The following SEC14L1 variants were observed in gnomAD, a reference collection of about 807,000 sequenced individuals.
SEC14L1 encodes SEC14-like protein 1.
SEC14L1 carries 48 observed loss-of-function variants against 85.3 expected under a neutral mutation model. The ratio of observed to expected loss-of-function variants is 0.56; its 90% CI spans 0.45 to 0.72. SEC14L1 has a LOEUF of 0.72. Ranked by LOEUF, SEC14L1 falls within the 30% of genes least tolerant of loss-of-function variation. The pLI is 0.00. For synonymous variants in SEC14L1, 391 were observed against 355.5 expected (o/e 1.10, Z -1.12); for missense variants, 682 against 921.4 (o/e 0.74, Z 3.36).
At chr17:77,185,131 T>C (rs1975210038) in intron 3 of SEC14L1, 1 of 771,234 alleles carries the variant, frequency 1.3e-6, no homozygotes, top group African/African-American at 1.9e-5. Flanking sequence ...CTTCAAAACA[T>C]GTTTTTTGGA....
chr17:77,198,720 C>G (rs1033404232), intron 8 of SEC14L1, among the ~76,000 whole-genome samples: 19 of 151,780 alleles, frequency 1.3e-4, no homozygotes, highest in Non-Finnish European at 2.2e-4. Flanking sequence ...GACTCAGGCA[C>G]CCGCCACCAC....
chr17:77,118,616 C>T (rs563673354), intron 3 of SEC14L1, among the ~76,000 whole-genome samples: 4 of 152,210 alleles, frequency 2.6e-5, no homozygotes, highest in African/African-American at 7.2e-5. Context: ...TCTGGGAATG[C>T]GCTTAACGTA....
intron 3 of SEC14L1, among the ~76,000 whole-genome samples, chr17:77,189,807 TTTAG>T (rs755271717): frequency 4.6e-5 from 7 of 152,148 alleles, no homozygotes; most frequent in Non-Finnish European, 7.3e-5. Flanking sequence ...TTTTTGTATC[TTTAG>T]TAGAGACGGG....
Position 77,170,882 on chromosome 17 carries a change from A to G in SEC14L1, c.64-19921A>G, listed in dbSNP as rs141182731. Among the ~76,000 whole-genome samples, 916 of 152,348 alleles carry G rather than the reference A, an allele frequency of 6.0e-3. 3 individuals carry two copies. Among genetic ancestry groups the G allele is most frequent in the Admixed American group, 8.5e-3 (130 of 15,308 alleles). ...TCTATTGTCTGAATCAGTGTTTTCT[A>G]TAATTCCAAACCTAGGTATAATTTG... On this transcript the variant is annotated intron_variant, in intron 3 of 16. Transcript: ENST00000436233.
chr17:77,136,570 T>C (rs1382108848), upstream of SEC14L1, among the ~76,000 whole-genome samples: 1 of 152,250 alleles, frequency 6.6e-6, no homozygotes, highest in Non-Finnish European at 1.5e-5. Context: ...TTCCCAGCCT[T>C]CTTTGCTCTT....
At chr17:77,117,312 A>G (rs1039753108) in intron 3 of SEC14L1, among the ~76,000 whole-genome samples, 3 of 152,140 alleles carry the variant, frequency 2.0e-5, no homozygotes, top group Non-Finnish European at 4.4e-5. Context: ...GAGCCACTGC[A>G]CTCCAGCCTG....
chr17:77,156,056 G>A (rs1489394783), intron 3 of SEC14L1, among the ~76,000 whole-genome samples: 1 of 152,062 alleles, frequency 6.6e-6, no homozygotes, highest in Non-Finnish European at 1.5e-5. Context: ...TTTTTGTCAT[G>A]ATCTTGGTGC....
At chr17:77,092,185 CTT>C (rs1392125099) in intron 2 of SEC14L1, among the ~76,000 whole-genome samples, 2 of 152,196 alleles carry the variant, frequency 1.3e-5, no homozygotes, top group African/African-American at 4.8e-5. Context: ...TTCCTTCTGT[CTT>C]TGCCTGTTTT....
chr17:77,180,229 G>A (rs1421826209), intron 3 of SEC14L1, among the ~76,000 whole-genome samples: 3 of 150,010 alleles, frequency 2.0e-5, no homozygotes, highest in South Asian at 2.1e-4. Flanking sequence ...TCAACCTCTC[G>A]AGTAGCTGGG....
Position 77,214,213 on chromosome 17 carries a change from A to G in SEC14L1, c.*190A>G. 7.2e-7 allele frequency: 1 copy of G among 1,393,770 alleles called. No homozygotes were observed. Among genetic ancestry groups the G allele is most frequent in the Non-Finnish European group, 9.3e-7 (1 of 1,077,700 alleles). 86.3% of individuals were successfully genotyped at this position (1,393,770 alleles called of 1,614,324 possible). A position where few individuals can be genotyped will look rare whatever the true frequency, so the allele number is the denominator to read the frequency against. On this transcript the variant is annotated 3_prime_UTR_variant, in exon 17 of 17. Coordinates refer to ENST00000436233, the MANE Select transcript of SEC14L1 (RefSeq NM_001143998.2). ...GGCAGGTAGTTTTAACTCTGATCCT[A>G]ACTTAACTCAATAGCCATAGATTTT...
upstream of SEC14L1, among the ~76,000 whole-genome samples, chr17:77,139,575 G>T (rs1164162400): frequency 6.1e-5 from 9 of 147,804 alleles, no homozygotes; most frequent in African/African-American, 2.3e-4. Flanking sequence ...TCGGCTCACT[G>T]CAAGCTCTGC....
In SEC14L1 at chr17:77,216,121, TTAGTAGGTAGGGC is replaced by T. The variant is rs1977053533; in HGVS notation, c.*2111_*2123del. 1 of 972,538 alleles carries T rather than the reference TTAGTAGGTAGGGC, an allele frequency of 1.0e-6. No individual in the cohort carries two copies. The highest frequency in any genetic ancestry group is 2.3e-5 in the African/African-American group (1 of 43,460). The allele number at this position is 972,538 out of a possible 1,614,324, so 60.2% of individuals were successfully genotyped here. On this transcript the variant is annotated 3_prime_UTR_variant, in exon 17 of 17. Transcript: ENST00000436233. Reference sequence around the variant, plus strand: ...TAGTAGGTAGGGTTCGTAGGTAGGGTTAGTAGGTAGGGCTAGTAGGTAGGGTTCGTAGGTAGGG... The same window carrying T: ...TAGTAGGTAGGGTTCGTAGGTAGGGTTAGTAGGTAGGGTTCGTAGGTAGGG...
chr17:77,122,072 G>A (rs1466707114), intron 3 of SEC14L1, among the ~76,000 whole-genome samples: 5 of 152,136 alleles, frequency 3.3e-5, no homozygotes, highest in Admixed American at 1.3e-4. Flanking sequence ...ACAAACTACC[G>A]AGTCCACCAC....
chr17:77,174,701 C>G (rs552464457), intron 3 of SEC14L1, among the ~76,000 whole-genome samples: 29 of 152,214 alleles, frequency 1.9e-4, no homozygotes, highest in Admixed American at 1.6e-3. Context: ...AGACCCTTCC[C>G]CAGAGGAGAA....
Position 77,213,188 on chromosome 17 carries a change from CCAT to C in SEC14L1, c.1864-125_1864-123del. ...GAAGCAAAATAGCAGGTTCTGAATC[CCAT>C]TGAGATAGTTTCCGTAGCTACATGA... On this transcript the variant is annotated intron_variant, in intron 15 of 16. Coordinates refer to ENST00000436233, the MANE Select transcript of SEC14L1 (RefSeq NM_001143998.2). This position sits in a 1 kb window ranked among gnomAD's most constrained non-coding sequence, Gnocchi z 7.1. 1.3e-6 allele frequency: 1 copy of C among 778,580 alleles called. No individual in the cohort carries two copies. Among genetic ancestry groups the C allele is most frequent in the East Asian group, 2.7e-5 (1 of 37,098 alleles). The allele number at this position is 778,580 out of a possible 1,614,324, so 48.2% of individuals were successfully genotyped here.
At chr17:77,154,358 C>T (rs1345129940) in intron 3 of SEC14L1, among the ~76,000 whole-genome samples, 1 of 152,176 alleles carries the variant, frequency 6.6e-6, no homozygotes, top group Admixed American at 6.5e-5. Context: ...CCCGTAGTCT[C>T]AGCTACTCAG....
chr17:77,172,097 A>C (rs1041249650), intron 3 of SEC14L1, among the ~76,000 whole-genome samples: 3 of 152,176 alleles, frequency 2.0e-5, no homozygotes, highest in African/African-American at 7.2e-5. Context: ...TTTACTCCCG[A>C]AATAAAAAGT....
chr17:77,209,588 T>C, intron 14 of SEC14L1, 112 bp downstream of exon 14: 1 of 1,167,702 alleles, frequency 8.6e-7, no homozygotes, highest in Non-Finnish European at 1.2e-6. Flanking sequence ...GTTTTTCTGC[T>C]CTTTGTCTTT....
intron 3 of SEC14L1, among the ~76,000 whole-genome samples, chr17:77,159,594 T>G (rs1319448629): frequency 6.6e-6 from 1 of 150,684 alleles, no homozygotes; most frequent in Non-Finnish European, 1.5e-5. Flanking sequence ...TTGGCCACAC[T>G]GGTCTCAAAC....
Sources: allele counts gnomAD v4.1 joint callset (sites outside exome capture counted in the v4.1 genomes callset), GRCh38; gene constraint gnomAD v4.1.1; non-coding constraint Gnocchi (gnomAD v3.1); transcripts MANE v1.5; gene names NCBI Gene and HGNC (gene_info 2026-07-23, HGNC 2026-07-21).